AGBL4: variants seen among roughly 807,000 people sequenced by gnomAD.
The protein encoded by AGBL4 is AGBL carboxypeptidase 4, also known as cytosolic carboxypeptidase 6.
Under a neutral mutation model 66.4 loss-of-function variants are expected in AGBL4, and 58 were observed. That is an observed-to-expected ratio of 0.87 (90% confidence interval 0.71 to 1.09). AGBL4 has a LOEUF of 1.09. Among genes scored for constraint, AGBL4 ranks in the 50% least tolerant of loss-of-function variants. The pLI is 0.00. For synonymous variants in AGBL4, 234 were observed against 222.9 expected (o/e 1.05, Z -0.44); for missense variants, 579 against 631.0 (o/e 0.92, Z 0.88).
chr1:48,695,019 T>C (rs1646693130), intron 6 of AGBL4, among the ~76,000 whole-genome samples: 1 of 152,206 alleles, frequency 6.6e-6, no homozygotes, highest in Non-Finnish European at 1.5e-5. Flanking sequence ...TACTGGCTCT[T>C]TTCTGTTCAA....
intron 3 of AGBL4, among the ~76,000 whole-genome samples, chr1:49,596,034 G>T (rs1449251125): frequency 1.3e-5 from 2 of 152,072 alleles, no homozygotes; most frequent in African/African-American, 2.4e-5. Flanking sequence ...TATGAGAGAG[G>T]CAGGTTCTAA....
At chr1:49,554,819 A>G (rs1653277786) in intron 3 of AGBL4, among the ~76,000 whole-genome samples, 1 of 152,144 alleles carries the variant, frequency 6.6e-6, no homozygotes. Flanking sequence ...CACTGACTTC[A>G]GGAGTGAAGC....
chr1:48,597,416 T>C (rs886926556), intron 9 of AGBL4, among the ~76,000 whole-genome samples: 2 of 152,024 alleles, frequency 1.3e-5, no homozygotes, highest in Admixed American at 1.3e-4. Flanking sequence ...TGAAACATGC[T>C]AGAAATGCAC....
At chr1:49,378,404 C>T (rs1404714493) in intron 3 of AGBL4, among the ~76,000 whole-genome samples, 1 of 151,982 alleles carries the variant, frequency 6.6e-6, no homozygotes, top group African/African-American at 2.4e-5. Flanking sequence ...TAGTGTCTAC[C>T]TCTAAGTACC....
chr1:49,985,207 T>C (rs1221415578), intron 1 of AGBL4, among the ~76,000 whole-genome samples: 2 of 152,080 alleles, frequency 1.3e-5, no homozygotes, highest in African/African-American at 2.4e-5. Flanking sequence ...ACATTCCCTC[T>C]TGTAAAATAC....
chr1:48,643,475 G>T (rs1645789814), intron 8 of AGBL4, among the ~76,000 whole-genome samples: 1 of 152,154 alleles, frequency 6.6e-6, no homozygotes, highest in Admixed American at 6.5e-5. Context: ...CAAGCAGTAA[G>T]ACTCAAAGGG....
At chr1:49,691,501 G>A (rs563736538) in intron 3 of AGBL4, 1 of 153,862 alleles carries the variant, frequency 6.5e-6, no homozygotes, top group South Asian at 2.1e-4. Context: ...GCATTCTCAT[G>A]TTGGCCACCA....
chr1:48,540,213 G>A (rs1644043104), intron 11 of AGBL4, among the ~76,000 whole-genome samples: 2 of 152,112 alleles, frequency 1.3e-5, no homozygotes, highest in African/African-American at 4.8e-5. Context: ...AGTAACCTCA[G>A]GCACAATGGT....
At chr1:48,887,703 C>G (rs950304010) in intron 5 of AGBL4, among the ~76,000 whole-genome samples, 2 of 152,086 alleles carry the variant, frequency 1.3e-5, no homozygotes, top group Admixed American at 1.3e-4. Flanking sequence ...TTTCAAGATC[C>G]GAGCAAGCAG....
intron 3 of AGBL4, among the ~76,000 whole-genome samples, chr1:49,597,930 G>A (rs954561180): frequency 1.9e-4 from 29 of 152,114 alleles, no homozygotes; most frequent in African/African-American, 7.0e-4. Context: ...AGCCGATGGG[G>A]TTTTCTAAAT....
At chr1:48,955,297 G>C (rs774945044) in intron 5 of AGBL4, among the ~76,000 whole-genome samples, 44 of 152,278 alleles carry the variant, frequency 2.9e-4, no homozygotes, top group South Asian at 1.9e-3. Flanking sequence ...TCACCCTTAT[G>C]GGTAATGCTG....
At chr1:48,837,438 C>T (rs1646701790) in intron 6 of AGBL4, among the ~76,000 whole-genome samples, 2 of 151,674 alleles carry the variant, frequency 1.3e-5, no homozygotes, top group African/African-American at 4.8e-5. Context: ...GGATGGGCAC[C>T]ATCTAATCAG....
At chr1:48,707,643 G>A (rs551967850) in intron 6 of AGBL4, among the ~76,000 whole-genome samples, 1 of 152,332 alleles carries the variant, frequency 6.6e-6, no homozygotes, top group South Asian at 2.1e-4. Context: ...GCTTTGTGGT[G>A]AAGTCTATCA....
At chr1:49,543,860 G>C (rs1026017556) in intron 3 of AGBL4, among the ~76,000 whole-genome samples, 2 of 152,104 alleles carry the variant, frequency 1.3e-5, no homozygotes, top group Non-Finnish European at 2.9e-5. Context: ...TTGAATTCTT[G>C]TTGTTTCACA....
At chr1:49,096,910 G>T (rs886135297) in intron 4 of AGBL4, among the ~76,000 whole-genome samples, 2 of 152,088 alleles carry the variant, frequency 1.3e-5, no homozygotes, top group South Asian at 2.1e-4. Flanking sequence ...TAAGTTGCTG[G>T]CTCTGAAGAT....
At chr1:48,920,152 G>C (rs1653962738) in intron 5 of AGBL4, among the ~76,000 whole-genome samples, 1 of 152,166 alleles carries the variant, frequency 6.6e-6, no homozygotes, top group African/African-American at 2.4e-5. Context: ...ATTGCCTGTA[G>C]ACTTCCCATG....
chr1:49,503,338 T>G (rs1334025634), intron 3 of AGBL4, among the ~76,000 whole-genome samples: 2 of 152,140 alleles, frequency 1.3e-5, no homozygotes. Context: ...AAGGTGTGCT[T>G]CAGGGGCAGA....
At chr1:48,678,170 C>T (rs1646397604) in intron 6 of AGBL4, among the ~76,000 whole-genome samples, 1 of 152,178 alleles carries the variant, frequency 6.6e-6, no homozygotes, top group African/African-American at 2.4e-5. Context: ...ACAGCCAGCA[C>T]CACGGTGGGG....
At chr1:49,616,196 C>T (rs116395815) in intron 3 of AGBL4, among the ~76,000 whole-genome samples, 138 of 152,224 alleles carry the variant, frequency 9.1e-4, no homozygotes, top group Non-Finnish European at 1.6e-3. Flanking sequence ...GTAATCAAGT[C>T]ACAAGCTTTA....
Sources: gnomAD v4.1 joint callset for allele counts (sites outside exome capture counted in the v4.1 genomes callset) on GRCh38, gnomAD v4.1.1 for gene constraint, MANE v1.5 for transcripts, NCBI Gene and HGNC (gene_info 2026-07-23, HGNC 2026-07-21) for gene names.